The following ZNF599 variants were observed in gnomAD, a reference collection of about 807,000 sequenced individuals.
ZNF599 encodes zinc finger protein 599.
ZNF599 carries 10 observed loss-of-function variants against 11.7 expected under a neutral mutation model. That is an observed-to-expected ratio of 0.86 (90% CI 0.53 to 1.45). The LOEUF (loss-of-function observed/expected upper bound fraction) is 1.45, where lower values mean the gene tolerates loss of function less well. Among genes scored for constraint, ZNF599 ranks in the 40% most tolerant of loss-of-function variants. The pLI is 0.00. For synonymous variants in ZNF599, 232 were observed against 253.2 expected, an observed-to-expected ratio of 0.92 and a Z score of 0.79; for missense variants, 688 against 713.6, an observed-to-expected ratio of 0.96 and a Z score of 0.41.
chr19:34,779,603 T>C, the ZNF599 span: 3 of 392,258 alleles, frequency 7.6e-6, no homozygotes, highest in East Asian at 8.5e-5. Context: ...AAAGGCAGGG[T>C]CTCCAACTCA....
At position 34,759,453 on chromosome 19, in the gene ZNF599, G is replaced by C. The variant is rs764533039; in HGVS notation, c.1348C>G (p.Pro450Ala). Residue 450 changes from proline (P) to alanine (A), a missense_variant, in exon 4 of 4, where the codon CCT (proline) becomes GCT (alanine). Transcript: ENST00000329285. Reference protein sequence around the residue: ...QHMRIHTGEKPYECSECGKAF... With the variant: ...QHMRIHTGEKAYECSECGKAF... ...TTTCCACATTCACTGCACTCATAAG[G>C]CTTCTCACCAGTGTGAATCCTCATA... 3 of 1,614,108 alleles carry C rather than the reference G, an allele frequency of 1.9e-6. No homozygotes were observed. Among genetic ancestry groups the C allele is most frequent in the South Asian group, 2.2e-5 (2 of 91,082 alleles).
At chr19:34,798,335 G>GT in the ZNF599 span, among the ~76,000 whole-genome samples, 1 of 152,172 alleles carries the variant, frequency 6.6e-6, no homozygotes, top group Non-Finnish European at 1.5e-5. Context: ...GCAAAGAAAT[G>GT]TATGTGTATA....
At chr19:34,803,140 C>T in the ZNF599 span, among the ~76,000 whole-genome samples, 71 of 152,254 alleles carry the variant, frequency 4.7e-4, no homozygotes, top group African/African-American at 1.6e-3. Context: ...ACTCCTGATC[C>T]CCTTCCCAGT....
At position 34,759,059 on chromosome 19, in the gene ZNF599, T is replaced by C. The variant is rs570313860; in HGVS notation, c.1742A>G (p.His581Arg). Residue 581 changes from histidine to arginine, a missense_variant, in exon 4 of 4, where the codon CAT (histidine) becomes CGT (arginine). His to Arg is a conservative substitution (Grantham distance 29, BLOSUM62 0). Coordinates refer to ENST00000329285, the MANE Select transcript of ZNF599 (RefSeq NM_001007248.3). ...TFSHSSSFTH[H>R]RKIHTRV The stretch of plus-strand genomic sequence containing the variant: ...TTAAACTCTGGTATGAATCTTTCGA[T>C]GGTGAGTGAACGATGAACTGTGGCT... 1 of 1,611,978 alleles carries C rather than the reference T, an allele frequency of 6.2e-7. No individual in the cohort carries two copies. The highest frequency in any genetic ancestry group is 1.3e-5 in the African/African-American group (1 of 74,958).
At position 34,759,258 on chromosome 19, in the gene ZNF599, C is replaced by G. The variant is rs1186641944; in HGVS notation, c.1543G>C (p.Ala515Pro). The G allele has an allele frequency of 6.2e-7, 1 of 1,614,134 alleles. No homozygotes were observed. Among genetic ancestry groups the G allele is most frequent in the Admixed American group, 1.7e-5 (1 of 60,016 alleles). The change falls in exon 4 of 4, where the codon GCT becomes CCT. Residue 515 changes from alanine to proline, a missense_variant. Physicochemically the swap from Ala to Pro is conservative, Grantham distance 27. Transcript: ENST00000329285. Reference sequence around the variant, plus strand: ...ACAAAATTTGCAGGTTGGGTAAAAGCCTTTCCACATTCTCTACAAACATAG... The same window carrying G: ...ACAAAATTTGCAGGTTGGGTAAAAGGCTTTCCACATTCTCTACAAACATAG... ...KPYVCRECGK[A>P]FTQPANFVRH... is the part of the protein sequence containing the mutation.
At chr19:34,782,637 A>T in the ZNF599 span, among the ~76,000 whole-genome samples, 6 of 152,186 alleles carry the variant, frequency 3.9e-5, no homozygotes, top group Non-Finnish European at 7.3e-5. Context: ...GACAGCAGAG[A>T]AGTGAGAAGG....
chr19:34,784,808 C>T, the ZNF599 span, among the ~76,000 whole-genome samples: 11 of 151,716 alleles, frequency 7.3e-5, no homozygotes, highest in South Asian at 2.3e-3. Flanking sequence ...CATATGCAAT[C>T]CTCATGGCCA....
the ZNF599 span, among the ~76,000 whole-genome samples, chr19:34,797,390 C>G: frequency 6.6e-6 from 1 of 152,080 alleles, no homozygotes; most frequent in Non-Finnish European, 1.5e-5. Context: ...AATCGCCACA[C>G]TGACTTCCAC....
At chr19:34,807,287 G>A in the ZNF599 span, among the ~76,000 whole-genome samples, 9 of 152,076 alleles carry the variant, frequency 5.9e-5, no homozygotes, top group Admixed American at 2.0e-4. Flanking sequence ...GTAGGAGTCC[G>A]GCGGGTGAGG....
At chr19:34,781,226 A>G in the ZNF599 span, among the ~76,000 whole-genome samples, 1 of 152,064 alleles carries the variant, frequency 6.6e-6, no homozygotes, top group Non-Finnish European at 1.5e-5. Flanking sequence ...GAAATGAAAG[A>G]AAAGAAATAA....
the ZNF599 span, among the ~76,000 whole-genome samples, chr19:34,796,551 T>C: frequency 6.6e-6 from 1 of 152,192 alleles, no homozygotes; most frequent in East Asian, 1.9e-4. Context: ...TCTCAAGCGA[T>C]CTGCCTGCTT....
chr19:34,791,815 C>T, the ZNF599 span: 1 of 152,196 alleles, frequency 6.6e-6, no homozygotes, highest in African/African-American at 2.4e-5. Flanking sequence ...CTCTTGGTCA[C>T]CTACCTGGAC....
upstream of ZNF599, among the ~76,000 whole-genome samples, chr19:34,774,987 T>C (rs2069210580): frequency 6.6e-6 from 1 of 152,182 alleles, no homozygotes; most frequent in Non-Finnish European, 1.5e-5. Context: ...TGTTTAAAAG[T>C]GTGTGGCATC....
chr19:34,764,711 G>C (rs1045797727), intron 3 of ZNF599: 1 of 152,206 alleles, frequency 6.6e-6, no homozygotes, highest in African/African-American at 2.4e-5. Flanking sequence ...TGGTGATATA[G>C]AGTATAAACA....
intron 3 of ZNF599, chr19:34,766,973 C>G (rs1319288188): frequency 3.8e-5 from 8 of 212,498 alleles, no homozygotes; most frequent in Admixed American, 2.7e-4. Context: ...GAAACTTAAT[C>G]TGTTGAGTCA....
chr19:34,777,353 TATATATTA>T (rs1250994838), upstream of ZNF599, among the ~76,000 whole-genome samples: 25 of 92,434 alleles, frequency 2.7e-4, no homozygotes, highest in African/African-American at 1.1e-3. Flanking sequence ...TATTATATAT[TATATATTA>T]ATATATTATA....
the ZNF599 span, among the ~76,000 whole-genome samples, chr19:34,782,520 T>C: frequency 6.6e-6 from 1 of 152,172 alleles, no homozygotes; most frequent in Non-Finnish European, 1.5e-5. Flanking sequence ...TGGGCTGGCC[T>C]CAAAACTTCC....
At chr19:34,768,448 CA>C (rs781618556) in intron 2 of ZNF599, among the ~76,000 whole-genome samples, 49 of 152,226 alleles carry the variant, frequency 3.2e-4, no homozygotes, top group Non-Finnish European at 3.4e-4. Flanking sequence ...ACCATTTGAA[CA>C]ACTGGAATAA....
At chr19:34,770,298 C>T (rs997353201) in intron 1 of ZNF599, among the ~76,000 whole-genome samples, 1 of 152,248 alleles carries the variant, frequency 6.6e-6, no homozygotes, top group Non-Finnish European at 1.5e-5. Flanking sequence ...GAACCCACAT[C>T]CCTCGGGTCC....
Sources: gnomAD v4.1 joint callset for allele counts (sites outside exome capture counted in the v4.1 genomes callset) on GRCh38, gnomAD v4.1.1 for gene constraint, MANE v1.5 for transcripts, NCBI Gene and HGNC (gene_info 2026-07-23, HGNC 2026-07-21) for gene names.